Variants in NOS1 observed in about 807,000 individuals in gnomAD.
NOS1 encodes NOS type I.
NOS1 carries 51 observed loss-of-function variants against 164.5 expected under a neutral mutation model. The ratio of observed to expected loss-of-function variants is 0.31; its 90% CI spans 0.25 to 0.39. The LOEUF (loss-of-function observed/expected upper bound fraction) is 0.39. Ranked by LOEUF, NOS1 falls within the 10% of genes least tolerant of loss-of-function variation. The pLI, the probability that NOS1 is intolerant of heterozygous loss-of-function variation, is 1.00. For synonymous variants in NOS1, 719 were observed against 745.8 expected, an observed-to-expected ratio of 0.96 and a Z score of 0.59; for missense variants, 1,362 against 1,885.6, an observed-to-expected ratio of 0.72 and a Z score of 5.14.
chr12:117,357,664 G>C (rs917778972), intron 1 of NOS1, among the ~76,000 whole-genome samples: 1 of 152,182 alleles, frequency 6.6e-6, no homozygotes, highest in Admixed American at 6.5e-5. Context: ...GTTAAAAATA[G>C]AGATATTTCC....
chr12:117,240,800 G>A (rs1052552980), intron 20 of NOS1, among the ~76,000 whole-genome samples: 2 of 152,178 alleles, frequency 1.3e-5, no homozygotes, highest in Non-Finnish European at 2.9e-5. Flanking sequence ...GGCCAAGGCC[G>A]CACAGCTAGT....
chr12:117,208,768 G>A lies in NOS1; in HGVS notation c.*6541C>T. ...CCACAGGGTCTCATTCTGTCAACAA[G>A]CTGGAGTGCAGTGGTGCCATCTCGG... is the stretch of plus-strand genomic sequence containing the variant. On this transcript the variant is annotated 3_prime_UTR_variant, in exon 29 of 29. Transcript: ENST00000317775. The A allele has an allele frequency of 1.0e-6, 1 of 985,220 alleles. No homozygotes were observed. Among genetic ancestry groups the A allele is most frequent in the Non-Finnish European group, 1.2e-6 (1 of 831,512 alleles). 61.0% of individuals were successfully genotyped at this position (985,220 alleles called of 1,614,324 possible).
At chr12:117,314,747 C>A (rs778194388) in intron 2 of NOS1, among the ~76,000 whole-genome samples, 1 of 152,064 alleles carries the variant, frequency 6.6e-6, no homozygotes, top group Admixed American at 6.5e-5. Context: ...GCTGGGACTA[C>A]AGGCGCACAC....
chr12:117,359,876 T>TATATATATATATA lies in NOS1; in HGVS notation c.-421+1635_-421+1636insTATATATATATAT, dbSNP rs1877038693. Among the ~76,000 whole-genome samples, 4 of 36,964 alleles carry TATATATATATATA rather than the reference T, an allele frequency of 1.1e-4. 1 individual carries two copies. Among genetic ancestry groups the TATATATATATATA allele is most frequent in the African/African-American group, 1.7e-4 (2 of 11,680 alleles). 24.2% of individuals were successfully genotyped at this position (36,964 alleles called of 152,430 possible). The stretch of plus-strand genomic sequence containing the variant: ...GTCCCAGAGCATTACAATAATGGTT[T>TATATATATATATA]TATATATATATATATATATATATAT... On this transcript the variant is annotated intron_variant, in intron 1 of 28. Coordinates refer to ENST00000317775, the MANE Select transcript of NOS1 (RefSeq NM_000620.5).
At chr12:117,296,407 G>A (rs1190401939) in intron 3 of NOS1, among the ~76,000 whole-genome samples, 1 of 152,176 alleles carries the variant, frequency 6.6e-6, no homozygotes, top group African/African-American at 2.4e-5. Flanking sequence ...CAATGTGGGT[G>A]GGCACAATCT....
intron 2 of NOS1, among the ~76,000 whole-genome samples, chr12:117,322,231 C>CTTT (rs1874986732): frequency 1.9e-5 from 2 of 103,802 alleles, no homozygotes; most frequent in Non-Finnish European, 4.6e-5. Context: ...TCCTTCCTTC[C>CTTT]CTTCCTCCCT....
At chr12:117,254,356 C>T (rs994934481) in intron 16 of NOS1, among the ~76,000 whole-genome samples, 10 of 152,208 alleles carry the variant, frequency 6.6e-5, no homozygotes, top group African/African-American at 2.4e-4. Flanking sequence ...ATCCACCTGC[C>T]TCGGCCTCCC....
chr12:117,359,284 G>T (rs368185075), intron 1 of NOS1, among the ~76,000 whole-genome samples: 5 of 152,374 alleles, frequency 3.3e-5, no homozygotes, highest in African/African-American at 1.2e-4. Context: ...GAGATGCCTT[G>T]AGGGCGGAGA....
chr12:117,297,199 GGC>G (rs1348867271), intron 3 of NOS1, among the ~76,000 whole-genome samples: 1 of 152,206 alleles, frequency 6.6e-6, no homozygotes, highest in African/African-American at 2.4e-5. Flanking sequence ...AGAGGGTCAA[GGC>G]AGAGAGACCC....
intron 3 of NOS1, among the ~76,000 whole-genome samples, chr12:117,299,872 A>G (rs10850808): frequency 0.34 from 51,262 of 151,704 alleles, 9,125 homozygotes; most frequent in African/African-American, 0.44. Context: ...TAGTATAGCC[A>G]GATGTTACTG....
Position 117,224,992 on chromosome 12 carries a change from A to G in NOS1, c.3826+24T>C, listed in dbSNP as rs370039665. The G allele has an allele frequency of 2.8e-5, 45 of 1,613,782 alleles. No individual in the cohort carries two copies. In the African/African-American group the frequency reaches 2.9e-4, roughly 11 times the overall value. On this transcript the variant is annotated intron_variant, in intron 25 of 28. Coordinates refer to ENST00000317775, the MANE Select transcript of NOS1 (RefSeq NM_000620.5). ...TCCCCAGGTCCGGGGGTGGGAACCA[A>G]GTGGCCACTGGACTGTAACCCACCT...
chr12:117,214,212 C>G lies in NOS1; in HGVS notation c.*1097G>C. The G allele has an allele frequency of 1.0e-6, 1 of 985,332 alleles. No homozygotes were observed. The highest frequency in any genetic ancestry group is 1.2e-6 in the Non-Finnish European group (1 of 829,882). The allele number at this position is 985,332 out of a possible 1,614,324, so 61.0% of individuals were successfully genotyped here. A position where few individuals can be genotyped will look rare whatever the true frequency, so the allele number is the denominator to read the frequency against. Reference sequence around the variant, plus strand: ...TTTGGGGGAATAAAAAAATAATAATCATATTGTTACTTGATATTGTTTCCA... The same window carrying G: ...TTTGGGGGAATAAAAAAATAATAATGATATTGTTACTTGATATTGTTTCCA... On this transcript the variant is annotated 3_prime_UTR_variant, in exon 29 of 29. Transcript: ENST00000317775.
At chr12:117,251,121 A>C (rs1158568934) in intron 17 of NOS1, among the ~76,000 whole-genome samples, 1 of 152,192 alleles carries the variant, frequency 6.6e-6, no homozygotes, top group Non-Finnish European at 1.5e-5. Flanking sequence ...TGAAGAGATC[A>C]GAGTTCTTCC....
intron 2 of NOS1, among the ~76,000 whole-genome samples, chr12:117,326,237 T>C (rs895123256): frequency 6.6e-6 from 1 of 151,832 alleles, no homozygotes; most frequent in African/African-American, 2.4e-5. Context: ...AATACAAAAA[T>C]TAGCCAGGCG....
intron 3 of NOS1, chr12:117,309,471 T>C (rs756861015): frequency 2.1e-5 from 15 of 700,776 alleles, no homozygotes; most frequent in Non-Finnish European, 2.6e-5. Flanking sequence ...AAAGCTGCCA[T>C]CTGTAGGCCA....
intron 3 of NOS1, among the ~76,000 whole-genome samples, chr12:117,294,523 T>C (rs1412351288): frequency 6.6e-6 from 1 of 152,162 alleles, no homozygotes. Flanking sequence ...GGCAGGGCTG[T>C]TGTACTTGGC....
chr12:117,210,758 T>C lies in NOS1; in HGVS notation c.*4551A>G, dbSNP rs1956514476. On this transcript the variant is annotated 3_prime_UTR_variant, in exon 29 of 29. Coordinates refer to ENST00000317775, the MANE Select transcript of NOS1 (RefSeq NM_000620.5). Reference sequence around the variant, plus strand: ...AAGCGTGTTTGGTCAGAAGATTCTGTGTTCTTAGCCAATGTCTACTGGCTG... The same window carrying C: ...AAGCGTGTTTGGTCAGAAGATTCTGCGTTCTTAGCCAATGTCTACTGGCTG... The C allele has an allele frequency of 1.0e-6, 1 of 985,234 alleles. No homozygotes were observed. Among genetic ancestry groups the C allele is most frequent in the South Asian group, 4.7e-5 (1 of 21,284 alleles). 61.0% of individuals were successfully genotyped at this position (985,234 alleles called of 1,614,324 possible). A position where few individuals can be genotyped will look rare whatever the true frequency, so the allele number is the denominator to read the frequency against.
At chr12:117,289,655 C>G (rs189340438) in intron 4 of NOS1, among the ~76,000 whole-genome samples, 1 of 152,268 alleles carries the variant, frequency 6.6e-6, no homozygotes, top group East Asian at 1.9e-4. Context: ...GGTGTTTGTC[C>G]TAATGAGGAG....
chr12:117,314,136 C>T (rs1178012647), intron 2 of NOS1, among the ~76,000 whole-genome samples: 2 of 152,234 alleles, frequency 1.3e-5, no homozygotes, highest in Admixed American at 1.3e-4. Context: ...TGGCCCACAT[C>T]AAAACCACTT....
Sources: gnomAD v4.1 joint callset for allele counts (sites outside exome capture counted in the v4.1 genomes callset) on GRCh38, gnomAD v4.1.1 for gene constraint, MANE v1.5 for transcripts, NCBI Gene and HGNC (gene_info 2026-07-23, HGNC 2026-07-21) for gene names.